Variants in POGLUT1 observed in about 807,000 individuals in gnomAD.
POGLUT1 encodes 9630046K23Rik.
Under a neutral mutation model 61.3 loss-of-function variants are expected in POGLUT1, and 32 were observed. That is an observed-to-expected ratio of 0.52 (90% CI 0.39 to 0.70). The LOEUF (loss-of-function observed/expected upper bound fraction) is 0.70. POGLUT1 is among the 30% of genes least tolerant of loss of function. The probability of loss-of-function intolerance (pLI) is 0.00; values close to 1 mark genes in which losing one functional copy is unlikely to be tolerated. For synonymous variants in POGLUT1, 158 were observed against 158.2 expected (o/e 1.00, Z 0.01); for missense variants, 411 against 469.8 (o/e 0.87, Z 1.16).
In POGLUT1 at chr3:119,477,353, C is replaced by T. The variant is rs369098373; in HGVS notation, c.361C>T (p.Arg121Cys). The change falls in exon 4 of 11, where the codon CGT becomes TGT. Residue 121 changes from arginine (R) to cysteine (C), a missense_variant. Transcript: ENST00000295588. ...GCACTTTATTTTGGAAGTGATCGGGCGTCTCCCTGACATGGAGATGGTGAT... is the reference window on the plus strand; with the variant it reads ...GCACTTTATTTTGGAAGTGATCGGGTGTCTCCCTGACATGGAGATGGTGAT... Reference protein sequence around the residue: ...VEHFILEVIGRLPDMEMVINV... With the variant: ...VEHFILEVIGCLPDMEMVINV... 46 of 1,613,808 alleles carry T rather than the reference C, an allele frequency of 2.9e-5. No homozygotes were observed. In the African/African-American group the frequency reaches 5.6e-4, roughly 20 times the overall value.
intron 6 of POGLUT1, 33 bp from the exon 7 acceptor site, chr3:119,486,800 C>A: frequency 7.1e-7 from 1 of 1,414,554 alleles, no homozygotes; most frequent in Non-Finnish European, 1.0e-6. Flanking sequence ...TAATACAGGC[C>A]ACACAGTTTT....
rs771994224 is a variant in POGLUT1, at chr3:119,490,568, G to A, written c.815G>A (p.Arg272Gln). The A allele has an allele frequency of 5.6e-6, 9 of 1,613,972 alleles. No homozygotes were observed. The Admixed American group carries it at 6.7e-5, about 12-fold the overall frequency. The change falls in exon 9 of 11, where the codon CGA (arginine) becomes CAA (glutamine). Residue 272 changes from arginine to glutamine, a missense_variant. Transcript: ENST00000295588. ...HCKYKYLFNF[R>Q]GVAASFRFKH... is the part of the protein sequence containing the mutation. ...TTCCCCAGGTATCTGTTTAATTTTC[G>A]AGGCGTAGCTGCAAGTTTCCGGTTT...
intron 3 of POGLUT1, among the ~76,000 whole-genome samples, chr3:119,473,062 AAAAG>A (rs2081494640): frequency 6.6e-6 from 1 of 152,330 alleles, no homozygotes; most frequent in Non-Finnish European, 1.5e-5. Context: ...AGAACAATAA[AAAAG>A]AAAGATTATT....
chr3:119,469,086 A>G lies in POGLUT1; in HGVS notation c.65A>G (p.Gln22Arg), dbSNP rs898134695. The G allele has an allele frequency of 6.8e-6, 11 of 1,607,228 alleles. No homozygotes were observed. ...WLLLFLLPSA[Q>R]GRQKESGSKW... is the part of the protein sequence containing the mutation. ...CTGTTGTTCCTCCTGCCCTCAGCGC[A>G]GGGCCGCCAGAAGGAGTCAGGTGGG... is the stretch of plus-strand genomic sequence containing the variant. Residue 22 changes from glutamine (Q) to arginine (R), a missense_variant, in exon 1 of 11, where the codon CAG (glutamine) becomes CGG (arginine). Physicochemically the swap from Gln to Arg is conservative, Grantham distance 43. Coordinates refer to ENST00000295588, the MANE Select transcript of POGLUT1 (RefSeq NM_152305.3).
Position 119,480,131 on chromosome 3 carries a change from A to C in POGLUT1, c.537A>C (p.Thr179=), listed in dbSNP as rs1046299637. ...GGPAVWPIYP[T]GLGRWDLFRE... ...CTGCTGTTTGGCCAATTTATCCTAC[A>C]GGTCTTGGACGGTGGGACCTCTTCA... Residue 179 remains threonine, a synonymous_variant, in exon 5 of 11, where the codon ACA becomes ACC. Transcript: ENST00000295588. 4 of 1,612,164 alleles carry C rather than the reference A, an allele frequency of 2.5e-6. No individual in the cohort carries two copies. The African/African-American group carries it at 5.4e-5, about 22-fold the overall frequency.
intron 4 of POGLUT1, 117 bp downstream of exon 4, chr3:119,477,565 C>T: frequency 1.1e-6 from 1 of 943,920 alleles, no homozygotes; most frequent in Non-Finnish European, 1.6e-6. Context: ...GACTGAGGTC[C>T]AGAAATGGGT....
intron 5 of POGLUT1, 86 bp downstream of exon 5, chr3:119,480,258 T>A: frequency 1.7e-6 from 2 of 1,198,834 alleles, no homozygotes; most frequent in Admixed American, 5.6e-5. Context: ...TTTACTTTTT[T>A]TTTTTTTGAG....
At chr3:119,483,013 G>A (rs2081623376) in intron 5 of POGLUT1, among the ~76,000 whole-genome samples, 1 of 152,140 alleles carries the variant, frequency 6.6e-6, no homozygotes. Context: ...ACACAGTTTG[G>A]GTTTGTGTAT....
At chr3:119,487,570 A>G (rs1449766109) in intron 7 of POGLUT1, among the ~76,000 whole-genome samples, 4 of 152,216 alleles carry the variant, frequency 2.6e-5, no homozygotes, top group Non-Finnish European at 5.9e-5. Flanking sequence ...CTGGCGACAG[A>G]GCAAGACTCC....
chr3:119,470,418 A>G (rs978634032), intron 2 of POGLUT1, among the ~76,000 whole-genome samples: 16 of 152,168 alleles, frequency 1.1e-4, no homozygotes, highest in African/African-American at 3.9e-4. Flanking sequence ...TCTACTAAAA[A>G]TACAAAAATT....
At chr3:119,479,960 C>A in intron 4 of POGLUT1, 91 bp from the exon 5 acceptor site, 1 of 1,593,474 alleles carries the variant, frequency 6.3e-7, no homozygotes, top group South Asian at 1.1e-5. Context: ...GACACTAAAC[C>A]AAGGCTGTCC....
chr3:119,477,490 C>T, intron 4 of POGLUT1, 42 bp downstream of exon 4: 1 of 1,584,430 alleles, frequency 6.3e-7, no homozygotes, highest in South Asian at 1.1e-5. Context: ...GAGAGTGGTC[C>T]TCTAGGATAT....
chr3:119,485,794 C>G (rs2081657675), intron 6 of POGLUT1, among the ~76,000 whole-genome samples: 1 of 152,194 alleles, frequency 6.6e-6, no homozygotes, highest in South Asian at 2.1e-4. Flanking sequence ...TTATCACACC[C>G]TGTGGCTGCC....
chr3:119,476,224 G>A (rs1201065635), intron 3 of POGLUT1, among the ~76,000 whole-genome samples: 2 of 152,118 alleles, frequency 1.3e-5, no homozygotes, highest in African/African-American at 4.8e-5. Context: ...CCTACAAAGA[G>A]GCTAAACACT....
intron 10 of POGLUT1, 74 bp from the exon 11 acceptor site, chr3:119,492,208 G>A: frequency 4.7e-6 from 5 of 1,058,862 alleles, no homozygotes; most frequent in Non-Finnish European, 6.9e-6. Context: ...GGCACAAGGT[G>A]AGCACTCAAA....
chr3:119,472,491 C>T (rs576741787), intron 3 of POGLUT1, among the ~76,000 whole-genome samples: 10 of 152,058 alleles, frequency 6.6e-5, no homozygotes, highest in African/African-American at 4.8e-5. Context: ...CTGAGATGAG[C>T]GGATCACTTG....
At chr3:119,489,265 T>C (rs920434333) in intron 8 of POGLUT1, 3 of 256,618 alleles carry the variant, frequency 1.2e-5, no homozygotes, top group Non-Finnish European at 1.5e-5. Context: ...CACCCAATCA[T>C]TGAAGTTAGA....
At chr3:119,491,969 A>C (rs2081752814) in intron 10 of POGLUT1, among the ~76,000 whole-genome samples, 1 of 152,096 alleles carries the variant, frequency 6.6e-6, no homozygotes, top group South Asian at 2.1e-4. Flanking sequence ...CAGGAGAATC[A>C]CTTGAACCCG....
In POGLUT1 at chr3:119,493,123, A is replaced by G. The variant is rs1337639278; in HGVS notation, c.*685A>G. 1 of 142,592 alleles carries G rather than the reference A, an allele frequency of 7.0e-6. No homozygotes were observed. The highest frequency in any genetic ancestry group is 7.3e-5 in the Admixed American group (1 of 13,620). The allele number at this position is 142,592 out of a possible 1,614,324, so 8.8% of individuals were successfully genotyped here. Reference sequence around the variant, plus strand: ...TTCCCTTTTTGTGCCTTCATGCCCTACTTCTTAATGCCTCTCTAAAGCCAA... The same window carrying G: ...TTCCCTTTTTGTGCCTTCATGCCCTGCTTCTTAATGCCTCTCTAAAGCCAA... On this transcript the variant is annotated 3_prime_UTR_variant, in exon 11 of 11. Transcript: ENST00000295588.
Sources: gnomAD v4.1 joint callset for allele counts (sites outside exome capture counted in the v4.1 genomes callset) on GRCh38, gnomAD v4.1.1 for gene constraint, MANE v1.5 for transcripts, NCBI Gene and HGNC (gene_info 2026-07-23, HGNC 2026-07-21) for gene names.